The following GSK3B variants were observed in gnomAD, a reference collection of about 807,000 sequenced individuals.
GSK3B encodes the protein glycogen synthase kinase 3 beta.
Under a neutral mutation model 56.4 loss-of-function variants are expected in GSK3B, and 15 were observed. The ratio of observed to expected loss-of-function variants is 0.27; its 90% CI spans 0.18 to 0.41. GSK3B has a LOEUF of 0.41. GSK3B is among the 10% of genes least tolerant of loss of function. The pLI is 1.00. For missense variants in GSK3B, 300 were observed against 513.4 expected, an observed-to-expected ratio of 0.58 and a Z score of 4.02; for synonymous variants, 181 against 188.9, an observed-to-expected ratio of 0.96 and a Z score of 0.34.
At chr3:119,970,151 T>C (rs778292148) in intron 2 of GSK3B, among the ~76,000 whole-genome samples, 3 of 152,222 alleles carry the variant, frequency 2.0e-5, no homozygotes, top group Non-Finnish European at 4.4e-5. Flanking sequence ...TATAGGTATG[T>C]ATGTATACAA....
chr3:119,853,064 A>G (rs2055961952), intron 9 of GSK3B, among the ~76,000 whole-genome samples: 1 of 152,166 alleles, frequency 6.6e-6, no homozygotes, highest in African/African-American at 2.4e-5. Flanking sequence ...TCGGTCTAAC[A>G]TTTAAGTCTT....
intron 2 of GSK3B, among the ~76,000 whole-genome samples, chr3:119,970,954 T>TA (rs1272023285): frequency 6.6e-6 from 1 of 152,222 alleles, no homozygotes; most frequent in African/African-American, 2.4e-5. Flanking sequence ...AGACTTTTCT[T>TA]AAACAATTAG....
At chr3:119,892,930 T>C (rs1010306807) in intron 7 of GSK3B, among the ~76,000 whole-genome samples, 4 of 152,142 alleles carry the variant, frequency 2.6e-5, no homozygotes, top group Non-Finnish European at 4.4e-5. Context: ...CTAATGACAA[T>C]AGAATCACTA....
chr3:119,855,788 T>C (rs1325161844), intron 9 of GSK3B, among the ~76,000 whole-genome samples: 2 of 151,878 alleles, frequency 1.3e-5, no homozygotes, highest in East Asian at 1.9e-4. Flanking sequence ...ATGAGAACAC[T>C]TGGACACAGG....
intron 1 of GSK3B, among the ~76,000 whole-genome samples, chr3:120,024,320 T>TGC (rs2057905518): frequency 6.6e-6 from 1 of 151,932 alleles, no homozygotes; most frequent in African/African-American, 2.4e-5. Flanking sequence ...ACTACTGTAC[T>TGC]CCAGCCTGGG....
intron 7 of GSK3B, among the ~76,000 whole-genome samples, chr3:119,891,057 G>T (rs2056495794): frequency 6.6e-6 from 1 of 151,910 alleles, no homozygotes; most frequent in Non-Finnish European, 1.5e-5. Context: ...ACAACAATCA[G>T]GTGACAATAG....
intron 3 of GSK3B, 44 bp downstream of exon 3, chr3:119,947,224 C>A (rs780587420): frequency 9.0e-7 from 1 of 1,105,400 alleles, no homozygotes; most frequent in Non-Finnish European, 1.4e-6. Flanking sequence ...AGAAAAATAA[C>A]AAATTTATCA....
chr3:119,841,391 A>T (rs1328775308), intron 10 of GSK3B, among the ~76,000 whole-genome samples: 1 of 152,220 alleles, frequency 6.6e-6, no homozygotes. Flanking sequence ...TTTTATACAC[A>T]GTGTAAAGCC....
At chr3:119,933,810 G>T (rs545305217) in intron 3 of GSK3B, among the ~76,000 whole-genome samples, 8 of 152,336 alleles carry the variant, frequency 5.3e-5, no homozygotes, top group African/African-American at 1.7e-4. Flanking sequence ...CTGGGAGGCA[G>T]AGGTTGCAGT....
At chr3:120,082,527 C>T (rs891360153) in intron 1 of GSK3B, among the ~76,000 whole-genome samples, 2 of 150,348 alleles carry the variant, frequency 1.3e-5, no homozygotes, top group Non-Finnish European at 2.9e-5. Flanking sequence ...TCCCAAGTAG[C>T]TGGGATTATA....
At chr3:119,847,468 G>A (rs1012693700) in intron 9 of GSK3B, among the ~76,000 whole-genome samples, 2 of 151,862 alleles carry the variant, frequency 1.3e-5, no homozygotes, top group Admixed American at 6.6e-5. Context: ...CGACAAGAGC[G>A]AAACTCCGTC....
At chr3:119,889,672 G>A (rs1206707770) in intron 7 of GSK3B, among the ~76,000 whole-genome samples, 5 of 152,040 alleles carry the variant, frequency 3.3e-5, no homozygotes, top group Admixed American at 1.3e-4. Flanking sequence ...AAACAAATAC[G>A]AAGGTGCAAA....
intron 2 of GSK3B, among the ~76,000 whole-genome samples, chr3:119,957,563 A>G (rs2057227667): frequency 6.6e-6 from 1 of 152,214 alleles, no homozygotes; most frequent in Admixed American, 6.5e-5. Flanking sequence ...TTGAGAGCCA[A>G]TAACACAACA....
At chr3:119,863,326 T>G (rs957619333) in intron 9 of GSK3B, 93 bp downstream of exon 9, 1 of 997,436 alleles carries the variant, frequency 1.0e-6, no homozygotes, top group Non-Finnish European at 1.6e-6. Context: ...TGTCCGTTTT[T>G]GTCCTCCACA....
chr3:120,017,061 C>G (rs1487795179), intron 1 of GSK3B, among the ~76,000 whole-genome samples: 1 of 152,184 alleles, frequency 6.6e-6, no homozygotes, highest in Non-Finnish European at 1.5e-5. Context: ...CTCTTAAAAA[C>G]ACGCTTATCC....
intron 2 of GSK3B, among the ~76,000 whole-genome samples, chr3:119,977,778 GA>G (rs1169759157): frequency 2.1e-4 from 32 of 152,220 alleles, no homozygotes; most frequent in African/African-American, 7.2e-4. Context: ...CCAATAGGGG[GA>G]AAAAATTTGA....
chr3:119,877,064 C>G (rs994439853), intron 7 of GSK3B, among the ~76,000 whole-genome samples: 1 of 152,164 alleles, frequency 6.6e-6, no homozygotes, highest in Non-Finnish European at 1.5e-5. Flanking sequence ...CTGTAGCTGA[C>G]TACAGATTCC....
At chr3:120,055,544 ATC>A (rs2058185117) in intron 1 of GSK3B, among the ~76,000 whole-genome samples, 1 of 152,190 alleles carries the variant, frequency 6.6e-6, no homozygotes, top group Non-Finnish European at 1.5e-5. Context: ...TGAATGAAAA[ATC>A]TTTAAGATTT....
chr3:119,992,898 A>C (rs1436455879), intron 2 of GSK3B, among the ~76,000 whole-genome samples: 1 of 152,112 alleles, frequency 6.6e-6, no homozygotes, highest in Admixed American at 6.5e-5. Flanking sequence ...CTCACCTATG[A>C]GATTAGCAAA....
Sources: gnomAD v4.1 joint callset for allele counts (sites outside exome capture counted in the v4.1 genomes callset) on GRCh38, gnomAD v4.1.1 for gene constraint, MANE v1.5 for transcripts, NCBI Gene and HGNC (gene_info 2026-07-23, HGNC 2026-07-21) for gene names.